LAMA2: variants seen among roughly 807,000 people sequenced by gnomAD.
LAMA2 encodes laminin subunit alpha 2, also known as laminin subunit alpha-2.
Under a neutral mutation model 364.8 loss-of-function variants are expected in LAMA2, and 269 were observed. The ratio of observed to expected loss-of-function variants is 0.74; its 90% CI spans 0.67 to 0.82. LAMA2 has a LOEUF of 0.82. LAMA2 is among the 40% of genes least tolerant of loss of function. The pLI, the probability that LAMA2 is intolerant of heterozygous loss-of-function variation, is 0.00. For synonymous variants in LAMA2, 1,379 were observed against 1,370.6 expected, an observed-to-expected ratio of 1.01 and a Z score of -0.14; for missense variants, 3,807 against 3,873.2, an observed-to-expected ratio of 0.98 and a Z score of 0.45.
chr6:129,276,725 A>G (rs1788350926), intron 17 of LAMA2, among the ~76,000 whole-genome samples: 1 of 152,186 alleles, frequency 6.6e-6, no homozygotes, highest in Non-Finnish European at 1.5e-5. Context: ...CCCTTATCAA[A>G]TGAACATATG....
rs186586321 is a variant in LAMA2 at position 129,097,229 on chromosome 6, A to C, written c.397-944A>C. Among the ~76,000 whole-genome samples, 297 of 152,348 alleles carry C rather than the reference A, an allele frequency of 1.9e-3. 1 individual carries two copies. The highest frequency in any genetic ancestry group is 6.9e-3 in the African/African-American group (285 of 41,594). On this transcript the variant is annotated intron_variant, in intron 3 of 64. Transcript: ENST00000421865. ...CTCATTATTACAATATATTAACAAC[A>C]CATTGATGGTGGAATAGTAATTTAA...
chr6:129,239,813 G>C (rs1397228566), intron 12 of LAMA2, among the ~76,000 whole-genome samples: 1 of 152,170 alleles, frequency 6.6e-6, no homozygotes, highest in East Asian at 1.9e-4. Context: ...ACTGCATCTA[G>C]CTCCAGATTT....
intron 3 of LAMA2, among the ~76,000 whole-genome samples, chr6:129,083,099 C>T (rs1774168896): frequency 1.3e-5 from 2 of 150,344 alleles, no homozygotes; most frequent in South Asian, 2.1e-4. Context: ...CACACACACA[C>T]ACGTGTACAC....
In LAMA2 at chr6:128,969,580, G is replaced by A. The variant is rs372925305; in HGVS notation, c.113-80338G>A. Among the ~76,000 whole-genome samples the A allele has an allele frequency of 4.6e-5, 7 of 151,960 alleles. No homozygotes were observed. The South Asian group carries it at 6.2e-4, about 14-fold the overall frequency. ...AGAGTAGCTGGGATTACAGATTCAC[G>A]CCACTACACCCAGCAAACTTTTGTA... On this transcript the variant is annotated intron_variant, in intron 1 of 64. Transcript: ENST00000421865.
intron 10 of LAMA2, among the ~76,000 whole-genome samples, chr6:129,183,684 C>T (rs373698929): frequency 1.3e-5 from 2 of 151,948 alleles, no homozygotes; most frequent in Non-Finnish European, 2.9e-5. Flanking sequence ...TTTTTAATGG[C>T]TCGGCTTAAC....
intron 4 of LAMA2, among the ~76,000 whole-genome samples, chr6:129,126,995 A>G (rs1777156822): frequency 6.6e-6 from 1 of 152,214 alleles, no homozygotes; most frequent in South Asian, 2.1e-4. Flanking sequence ...TGAGCCTGGT[A>G]GGCAGAGGTT....
At chr6:129,371,646 G>A (rs1395666955) in intron 34 of LAMA2, among the ~76,000 whole-genome samples, 10 of 142,922 alleles carry the variant, frequency 7.0e-5, no homozygotes, top group East Asian at 2.0e-4. Context: ...TTGCTCTGTC[G>A]CCGAGGCTGG....
intron 47 of LAMA2, among the ~76,000 whole-genome samples, chr6:129,455,742 C>T (rs941998656): frequency 3.3e-5 from 5 of 152,104 alleles, no homozygotes; most frequent in Admixed American, 6.6e-5. Flanking sequence ...ACACTGAAAT[C>T]TGAAGGGTGG....
In LAMA2 at chr6:129,248,498, G is replaced by A. The variant is rs530466329; in HGVS notation, c.1783-1614G>A. 8.4e-4 allele frequency among the ~76,000 whole-genome samples: 128 copies of A among 152,172 alleles called. 1 individual carries two copies. Among genetic ancestry groups the A allele is most frequent in the African/African-American group, 3.0e-3 (125 of 41,524 alleles). On this transcript the variant is annotated intron_variant, in intron 12 of 64. Transcript: ENST00000421865. ...AAATGTATTTTATTTGAGCATATGTGGTGATTTCATATATTAAGTTGATAT... is the reference window on the plus strand; with the variant it reads ...AAATGTATTTTATTTGAGCATATGTAGTGATTTCATATATTAAGTTGATAT...
chr6:128,943,526 C>T (rs1159253757), intron 1 of LAMA2, among the ~76,000 whole-genome samples: 1 of 151,998 alleles, frequency 6.6e-6, no homozygotes, highest in East Asian at 1.9e-4. Context: ...TCCTGGACCT[C>T]CAGCAATTCT....
intron 6 of LAMA2, among the ~76,000 whole-genome samples, chr6:129,148,705 A>G (rs996503983): frequency 6.6e-6 from 1 of 152,074 alleles, no homozygotes; most frequent in African/African-American, 2.4e-5. Flanking sequence ...GAGAAGGAGA[A>G]TTCAGTCTTC....
intron 12 of LAMA2, among the ~76,000 whole-genome samples, chr6:129,197,568 T>G (rs547077011): frequency 5.3e-5 from 8 of 152,310 alleles, no homozygotes; most frequent in Middle Eastern, 3.4e-3. Context: ...AACTTTCGTC[T>G]CCCTAAAATA....
chr6:128,936,201 C>T (rs890004712), intron 1 of LAMA2, among the ~76,000 whole-genome samples: 12 of 152,150 alleles, frequency 7.9e-5, no homozygotes, highest in African/African-American at 2.2e-4. Context: ...CACCCAGTTT[C>T]GGGCAGTTCT....
chr6:129,165,806 A>G, intron 9 of LAMA2, 131 bp downstream of exon 9: 1 of 692,062 alleles, frequency 1.4e-6, no homozygotes, highest in Middle Eastern at 3.1e-4. Context: ...CTATCAGTGT[A>G]TTAGCGTTCC....
In LAMA2 at chr6:129,039,792, T is replaced by A. The variant is rs1786958515; in HGVS notation, c.113-10126T>A. Among the ~76,000 whole-genome samples the A allele has an allele frequency of 2.0e-5, 3 of 152,290 alleles. No individual in the cohort carries two copies. In the South Asian group the frequency reaches 6.2e-4, roughly 32 times the overall value. Reference sequence around the variant, plus strand: ...GCACAGTTCACAATATGGTTCACGTTCCTGTGAGAGTCTAATGCTGTTGCT... The same window carrying A: ...GCACAGTTCACAATATGGTTCACGTACCTGTGAGAGTCTAATGCTGTTGCT... On this transcript the variant is annotated intron_variant, in intron 1 of 64. Coordinates refer to ENST00000421865, the MANE Select transcript of LAMA2 (RefSeq NM_000426.4).
chr6:129,078,482 C>T (rs750869817), intron 3 of LAMA2, among the ~76,000 whole-genome samples: 38 of 152,018 alleles, frequency 2.5e-4, no homozygotes, highest in Non-Finnish European at 3.4e-4. Flanking sequence ...CTAAAATTCT[C>T]CCTAAAAAAT....
intron 1 of LAMA2, chr6:128,929,450 G>A: frequency 1.2e-6 from 1 of 840,500 alleles, no homozygotes. Flanking sequence ...TGGACGGTGA[G>A]TCTCAGGAAA....
In LAMA2 at chr6:128,985,158, T is replaced by C. The variant is rs976966321; in HGVS notation, c.113-64760T>C. ...CATGGTCCTGAATGTGGAATGGGTC[T>C]CTCTGAAGAAAAGTGGGTCAGATGG... On this transcript the variant is annotated intron_variant, in intron 1 of 64. Coordinates refer to ENST00000421865, the MANE Select transcript of LAMA2 (RefSeq NM_000426.4). Among the ~76,000 whole-genome samples, 8 of 152,264 alleles carry C rather than the reference T, an allele frequency of 5.3e-5. No homozygotes were observed. In the South Asian group the frequency reaches 8.3e-4, roughly 16 times the overall value.
At chr6:129,203,645 C>G (rs936260500) in intron 12 of LAMA2, among the ~76,000 whole-genome samples, 2 of 152,166 alleles carry the variant, frequency 1.3e-5, no homozygotes, top group South Asian at 4.1e-4. Flanking sequence ...TAATACATGA[C>G]TTTTTTTCCT....
Sources: gnomAD v4.1 joint callset for allele counts (sites outside exome capture counted in the v4.1 genomes callset) on GRCh38, gnomAD v4.1.1 for gene constraint, MANE v1.5 for transcripts, NCBI Gene and HGNC (gene_info 2026-07-23, HGNC 2026-07-21) for gene names.